CHN2: variants seen among roughly 807,000 people sequenced by gnomAD.
CHN2 encodes the protein chimerin 2, also known as beta-chimaerin.
A neutral mutation model predicts 56.3 loss-of-function variants in CHN2; 35 were observed. The observed-to-expected ratio is 0.62, with a 90% CI of 0.47 to 0.82. The LOEUF (loss-of-function observed/expected upper bound fraction) is 0.82. Ranked by LOEUF, CHN2 falls within the 40% of genes least tolerant of loss-of-function variation. The probability of loss-of-function intolerance (pLI) is 0.00; values close to 1 mark genes in which losing one functional copy is unlikely to be tolerated. For synonymous variants in CHN2, 210 were observed against 212.8 expected (o/e 0.99, Z 0.12); for missense variants, 491 against 580.5 (o/e 0.85, Z 1.58).
intron 1 of CHN2, among the ~76,000 whole-genome samples, chr7:29,265,199 C>T (rs929638737): frequency 5.3e-5 from 8 of 152,190 alleles, no homozygotes; most frequent in African/African-American, 1.9e-4. Context: ...CTTCTCCTGA[C>T]TCTAGAAGCA....
chr7:29,207,360 CCCTGA>C (rs1467542880), intron 1 of CHN2, among the ~76,000 whole-genome samples: 1 of 152,092 alleles, frequency 6.6e-6, no homozygotes, highest in Admixed American at 6.6e-5. Context: ...TGCAGCCAGC[CCCTGA>C]CCTTCTCAGA....
intron 2 of CHN2, among the ~76,000 whole-genome samples, chr7:29,169,709 A>G (rs1562805359): frequency 1.3e-5 from 2 of 151,952 alleles, no homozygotes; most frequent in Non-Finnish European, 2.9e-5. Context: ...TGCTTGACAC[A>G]TTTGATCCAG....
intron 6 of CHN2, among the ~76,000 whole-genome samples, chr7:29,428,247 G>A (rs1805078921): frequency 6.6e-6 from 1 of 152,180 alleles, no homozygotes; most frequent in South Asian, 2.1e-4. Context: ...CTGGCACAGG[G>A]TTACCACCAC....
intron 1 of CHN2, among the ~76,000 whole-genome samples, chr7:29,214,731 C>T (rs1441050173): frequency 6.6e-6 from 1 of 152,106 alleles, no homozygotes; most frequent in Non-Finnish European, 1.5e-5. Context: ...TGTAAGAATC[C>T]ACCATTGAAT....
chr7:29,456,759 G>C (rs1300845990), intron 6 of CHN2, among the ~76,000 whole-genome samples: 1 of 152,066 alleles, frequency 6.6e-6, no homozygotes, highest in African/African-American at 2.4e-5. Context: ...AGAAGCACTG[G>C]TCTCCGACTA....
At chr7:29,321,570 C>CTTTTTTTTTTTTT (rs59651474) in intron 1 of CHN2, among the ~76,000 whole-genome samples, 2 of 128,186 alleles carry the variant, frequency 1.6e-5, no homozygotes, top group Non-Finnish European at 3.2e-5. Context: ...TTCTTTCTTT[C>CTTTTTTTTTTTTT]TTTTTTTTTT....
intron 2 of CHN2, among the ~76,000 whole-genome samples, chr7:29,185,100 T>G (rs2128747607): frequency 6.6e-6 from 1 of 152,306 alleles, no homozygotes; most frequent in Non-Finnish European, 1.5e-5. Flanking sequence ...CCAAACCAAT[T>G]TTTCTAGCTG....
intron 1 of CHN2, among the ~76,000 whole-genome samples, chr7:29,216,204 T>C (rs1385587029): frequency 6.6e-6 from 1 of 152,160 alleles, no homozygotes; most frequent in Non-Finnish European, 1.5e-5. Context: ...ATCTCTCAAA[T>C]AGTGATTAAT....
intron 1 of CHN2, among the ~76,000 whole-genome samples, chr7:29,233,311 C>T (rs1786867099): frequency 6.6e-6 from 1 of 152,244 alleles, no homozygotes; most frequent in Non-Finnish European, 1.5e-5. Context: ...AAATGCTCCA[C>T]AGCGGCAGCT....
chr7:29,440,837 A>G (rs558045383), intron 6 of CHN2, among the ~76,000 whole-genome samples: 1 of 152,274 alleles, frequency 6.6e-6, no homozygotes, highest in African/African-American at 2.4e-5. Context: ...TCTGTGGCCA[A>G]TTGATTTTTT....
intron 1 of CHN2, among the ~76,000 whole-genome samples, chr7:29,269,114 G>A (rs1167574367): frequency 6.6e-6 from 1 of 151,998 alleles, no homozygotes; most frequent in East Asian, 1.9e-4. Flanking sequence ...ATAAATTATT[G>A]TTAGTTATAG....
At chr7:29,440,390 C>T (rs1783545199) in intron 6 of CHN2, among the ~76,000 whole-genome samples, 1 of 151,930 alleles carries the variant, frequency 6.6e-6, no homozygotes, top group Non-Finnish European at 1.5e-5. Flanking sequence ...CACTATACAA[C>T]AATTAAAGAG....
intron 2 of CHN2, among the ~76,000 whole-genome samples, chr7:29,361,566 C>T (rs201613768): frequency 6.6e-6 from 1 of 152,180 alleles, no homozygotes; most frequent in East Asian, 1.9e-4. Flanking sequence ...CAGTTCCTCG[C>T]TTCTGGGGTT....
intron 1 of CHN2, among the ~76,000 whole-genome samples, chr7:29,209,513 T>A (rs1381443097): frequency 6.6e-6 from 1 of 152,230 alleles, no homozygotes; most frequent in Non-Finnish European, 1.5e-5. Context: ...CTTTGTTTTA[T>A]GGTTATGAAA....
intron 6 of CHN2, among the ~76,000 whole-genome samples, chr7:29,404,540 C>T (rs1002217109): frequency 6.6e-6 from 1 of 152,076 alleles, no homozygotes; most frequent in African/African-American, 2.4e-5. Flanking sequence ...GATTATGGTA[C>T]ATCCATGTTA....
intron 1 of CHN2, among the ~76,000 whole-genome samples, chr7:29,333,534 GC>G (rs564019681): frequency 1.4e-3 from 213 of 152,308 alleles, no homozygotes; most frequent in Non-Finnish European, 2.6e-3. Context: ...CTTTAAGTTA[GC>G]CCATTCTATT....
chr7:29,296,617 T>G (rs1793180237), intron 1 of CHN2, among the ~76,000 whole-genome samples: 1 of 152,194 alleles, frequency 6.6e-6, no homozygotes, highest in Non-Finnish European at 1.5e-5. Flanking sequence ...ACAAACAGAC[T>G]CAGTTAGCTT....
chr7:29,482,360 G>T (rs753896572), intron 7 of CHN2, among the ~76,000 whole-genome samples: 1 of 152,166 alleles, frequency 6.6e-6, no homozygotes, highest in Non-Finnish European at 1.5e-5. Context: ...TGAGTGGCAG[G>T]GGCCAGATGA....
At chr7:29,370,481 G>A (rs533948745) in intron 3 of CHN2, among the ~76,000 whole-genome samples, 7 of 152,152 alleles carry the variant, frequency 4.6e-5, no homozygotes, top group East Asian at 1.9e-4. Flanking sequence ...CATCTCATCC[G>A]TTAGCTAAGA....
Sources: gnomAD v4.1 joint callset for allele counts (sites outside exome capture counted in the v4.1 genomes callset) on GRCh38, gnomAD v4.1.1 for gene constraint, MANE v1.5 for transcripts, NCBI Gene and HGNC (gene_info 2026-07-23, HGNC 2026-07-21) for gene names.